NHLRC2: variants seen among roughly 807,000 people sequenced by gnomAD.
NHLRC2 encodes the protein NHL repeat containing 2.
Under a neutral mutation model 68.1 loss-of-function variants are expected in NHLRC2, and 33 were observed. The ratio of observed to expected loss-of-function variants is 0.48; its 90% CI spans 0.37 to 0.65. The LOEUF is 0.65. NHLRC2 is among the 30% of genes least tolerant of loss of function. NHLRC2 has a pLI of 0.00. For missense variants in NHLRC2, 761 were observed against 853.8 expected (o/e 0.89, Z 1.35); for synonymous variants, 311 against 309.6 (o/e 1.00, Z -0.05).
Position 113,858,695 on chromosome 10 carries a change from A to C in NHLRC2, c.331+15A>C. On this transcript the variant is annotated intron_variant, in intron 2 of 10. Transcript: ENST00000369301. Reference sequence around the variant, plus strand: ...CTCTGATAAAGGTATCTGCTCTTTAATTAGTTTCTAACAGACTGTCCTGGC... The same window carrying C: ...CTCTGATAAAGGTATCTGCTCTTTACTTAGTTTCTAACAGACTGTCCTGGC... 6.3e-7 allele frequency: 1 copy of C among 1,596,350 alleles called. No individual in the cohort carries two copies. Among genetic ancestry groups the C allele is most frequent in the Non-Finnish European group, 8.6e-7 (1 of 1,165,056 alleles).
At chr10:113,900,530 TG>T (rs1846218469) in intron 6 of NHLRC2, among the ~76,000 whole-genome samples, 1 of 152,294 alleles carries the variant, frequency 6.6e-6, no homozygotes, top group Non-Finnish European at 1.5e-5. Context: ...ATTTTAAGGA[TG>T]TATTATCTTT....
chr10:113,874,234 A>T (rs1270009581), intron 2 of NHLRC2, among the ~76,000 whole-genome samples: 1 of 152,122 alleles, frequency 6.6e-6, no homozygotes, highest in Non-Finnish European at 1.5e-5. Flanking sequence ...CCTTACACAG[A>T]TTATCTCTTT....
Position 113,913,842 on chromosome 10 carries a change from G to GTTTT in NHLRC2, c.*5307_*5310dup, listed in dbSNP as rs1204774026. 17 of 134,978 alleles carry GTTTT rather than the reference G, an allele frequency of 1.3e-4. No individual in the cohort carries two copies. The highest frequency in any genetic ancestry group is 4.2e-4 in the African/African-American group (15 of 35,424). 8.4% of individuals were successfully genotyped at this position (134,978 alleles called of 1,614,324 possible). On this transcript the variant is annotated 3_prime_UTR_variant, in exon 11 of 11. Coordinates refer to ENST00000369301, the MANE Select transcript of NHLRC2 (RefSeq NM_198514.4). ...GCATTAGGTACTTTTTGTTGTTGTTGTTTTGTTTTTTTTTTTTTTTTTTGA... is the reference window on the plus strand; with the variant it reads ...GCATTAGGTACTTTTTGTTGTTGTTGTTTTTTTTGTTTTTTTTTTTTTTTTTTGA...
intron 2 of NHLRC2, among the ~76,000 whole-genome samples, chr10:113,869,734 CAT>C (rs1304940193): frequency 1.3e-5 from 2 of 152,032 alleles, no homozygotes; most frequent in Non-Finnish European, 2.9e-5. Flanking sequence ...ATAAATATTA[CAT>C]ATATATAATG....
At chr10:113,858,863 TG>T in intron 2 of NHLRC2, 183 bp downstream of exon 2, 2 of 416,032 alleles carry the variant, frequency 4.8e-6, no homozygotes, top group Non-Finnish European at 8.5e-6. Flanking sequence ...TTAGTGATAG[TG>T]GTTTGCCTAT....
rs1022570663 is a variant in NHLRC2, at chr10:113,903,599, A to G, written c.1567A>G (p.Ser523Gly). The G allele has an allele frequency of 1.2e-6, 2 of 1,612,750 alleles. No individual in the cohort carries two copies. Among genetic ancestry groups the G allele is most frequent in the East Asian group, 4.5e-5 (2 of 44,774 alleles). Reference protein sequence around the residue: ...AGTGDTNNVTSSSFTESTFNE... With the variant: ...AGTGDTNNVTGSSFTESTFNE... The stretch of plus-strand genomic sequence containing the variant: ...AACTGGAGACACAAATAATGTTACC[A>G]GTTCCAGTTTTACAGAGTCAACTTT... Residue 523 changes from serine to glycine, a missense_variant, in exon 9 of 11, where the codon AGT becomes GGT. Transcript: ENST00000369301.
intron 2 of NHLRC2, among the ~76,000 whole-genome samples, chr10:113,865,598 T>C (rs2134693660): frequency 7.3e-6 from 1 of 136,594 alleles, no homozygotes; most frequent in African/African-American, 2.8e-5. Flanking sequence ...TAACTTCGAC[T>C]TTTTTTTTTT....
chr10:113,893,620 C>T (rs926446713), intron 5 of NHLRC2, among the ~76,000 whole-genome samples: 1 of 152,142 alleles, frequency 6.6e-6, no homozygotes, highest in African/African-American at 2.4e-5. Flanking sequence ...TGCTGCTTCT[C>T]TACTTTTTCT....
intron 5 of NHLRC2, among the ~76,000 whole-genome samples, chr10:113,890,508 TG>T (rs1846121269): frequency 6.6e-6 from 1 of 152,148 alleles, no homozygotes; most frequent in Non-Finnish European, 1.5e-5. Context: ...TGTGGTTTGA[TG>T]TTCATTATTG....
At chr10:113,874,505 G>A (rs1188801846) in intron 2 of NHLRC2, among the ~76,000 whole-genome samples, 3 of 145,504 alleles carry the variant, frequency 2.1e-5, no homozygotes, top group East Asian at 2.0e-4. Context: ...TTTAGCCTTT[G>A]ATTTTCAGCA....
At position 113,908,393 on chromosome 10, in the gene NHLRC2, G is replaced by C; in HGVS notation, c.2038G>C (p.Val680Leu). The C allele has an allele frequency of 3.7e-6, 6 of 1,614,100 alleles. No individual in the cohort carries two copies. Among genetic ancestry groups the C allele is most frequent in the Non-Finnish European group, 5.1e-6 (6 of 1,179,968 alleles). ...PDDCLSLEAI[V>L]SVSVFLYYCS... is the part of the protein sequence containing the mutation. ...TGATTGCTTATCACTTGAAGCCATT[G>C]TATCTGTCAGTGTGTTTCTTTATTA... is the stretch of plus-strand genomic sequence containing the variant. The change falls in exon 11 of 11, where the codon GTA becomes CTA. Residue 680 changes from valine (V) to leucine (L), a missense_variant. By Grantham distance (32) the Val-to-Leu change is conservative. Coordinates refer to ENST00000369301, the MANE Select transcript of NHLRC2 (RefSeq NM_198514.4).
rs962457966 is a variant in NHLRC2, at chr10:113,912,049, C to T, written c.*3513C>T. ...CATTGTTTGGAGTCCTTTGATCTAC[C>T]GGTTCTCTTAAGTACGTGATTTCGT... On this transcript the variant is annotated 3_prime_UTR_variant, in exon 11 of 11. Coordinates refer to ENST00000369301, the MANE Select transcript of NHLRC2 (RefSeq NM_198514.4). The T allele has an allele frequency of 6.6e-6, 1 of 151,946 alleles. No homozygotes were observed. Among genetic ancestry groups the T allele is most frequent in the Admixed American group, 6.6e-5 (1 of 15,252 alleles). 9.4% of individuals were successfully genotyped at this position (151,946 alleles called of 1,614,324 possible).
intron 1 of NHLRC2, 63 bp from the exon 2 acceptor site, chr10:113,858,465 A>G (rs1165595873): frequency 8.4e-7 from 1 of 1,191,556 alleles, no homozygotes; most frequent in Non-Finnish European, 1.2e-6. Context: ...ATTTTAATGG[A>G]AAGTTTTAGG....
rs1368351392 is a variant in NHLRC2 at position 113,876,848 on chromosome 10, C to T, written c.659C>T (p.Pro220Leu). The T allele has an allele frequency of 2.5e-6, 4 of 1,612,470 alleles. No individual in the cohort carries two copies. Among genetic ancestry groups the T allele is most frequent in the East Asian group, 4.5e-5 (2 of 44,852 alleles). The stretch of plus-strand genomic sequence containing the variant: ...AAACTCTATAAAGATTCTTTGCCAC[C>T]TTCACCATTGCTATTTCCTGGCAAA... The part of the protein sequence containing the change: ...GIKLYKDSLP[P>L]SPLLFPGKVT... The change falls in exon 3 of 11, where the codon CCT (proline) becomes CTT (leucine). Residue 220 changes from proline (P) to leucine (L), a missense_variant. By Grantham distance (98) the Pro-to-Leu change is moderately conservative. Transcript: ENST00000369301.
At chr10:113,905,680 A>G (rs73347518) in intron 10 of NHLRC2, among the ~76,000 whole-genome samples, 4,868 of 151,794 alleles carry the variant, frequency 0.032, 275 homozygotes, top group African/African-American at 0.11. Context: ...TTCTCACTCA[A>G]TTTTCCATTT....
chr10:113,876,905 T>G lies in NHLRC2; in HGVS notation c.716T>G (p.Val239Gly). The G allele has an allele frequency of 6.2e-7, 1 of 1,612,796 alleles. No individual in the cohort carries two copies. The highest frequency in any genetic ancestry group is 8.5e-7 in the Non-Finnish European group (1 of 1,179,544). Residue 239 changes from valine to glycine, a missense_variant, in exon 3 of 11, where the codon GTA (valine) becomes GGA (glycine). By Grantham distance (109) the Val-to-Gly change is moderately radical. Coordinates refer to ENST00000369301, the MANE Select transcript of NHLRC2 (RefSeq NM_198514.4). ...GTAGACCAAGTTACTGATAGATTGG[T>G]AATAGCAGACACTGGACATCATAGA... is the stretch of plus-strand genomic sequence containing the variant. ...VTVDQVTDRL[V>G]IADTGHHRIL...
chr10:113,917,122 G>A lies in NHLRC2; in HGVS notation c.*8586G>A, dbSNP rs1016386641. On this transcript the variant is annotated 3_prime_UTR_variant, in exon 11 of 11. Transcript: ENST00000369301. ...TGAGAATGTGTTTATACTGTATATG[G>A]AAACCTAATGCCTCTTTTCTAAAGC... 5.3e-5 allele frequency: 8 copies of A among 152,146 alleles called. No homozygotes were observed. Among genetic ancestry groups the A allele is most frequent in the Non-Finnish European group, 1.0e-4 (7 of 68,010 alleles). The allele number at this position is 152,146 out of a possible 1,614,324, so 9.4% of individuals were successfully genotyped here.
At chr10:113,870,337 C>T (rs1845910393) in intron 2 of NHLRC2, among the ~76,000 whole-genome samples, 1 of 152,088 alleles carries the variant, frequency 6.6e-6, no homozygotes, top group African/African-American at 2.4e-5. Context: ...CTTGCCTTCC[C>T]ATTTCTGTCC....
rs1185352150 is a variant in NHLRC2, at chr10:113,909,011, T to C, written c.*475T>C. 6.4e-6 allele frequency: 1 copy of C among 156,036 alleles called. No homozygotes were observed. The highest frequency in any genetic ancestry group is 2.5e-5 in the African/African-American group (1 of 40,678). 9.7% of individuals were successfully genotyped at this position (156,036 alleles called of 1,614,324 possible). ...AACACCAAGTATTCAAGGCATAAAG[T>C]CTGTTGTAAGCCAAAAAAAAGTCTT... On this transcript the variant is annotated 3_prime_UTR_variant, in exon 11 of 11. Coordinates refer to ENST00000369301, the MANE Select transcript of NHLRC2 (RefSeq NM_198514.4).
Sources: gnomAD v4.1 joint callset for allele counts (sites outside exome capture counted in the v4.1 genomes callset) on GRCh38, gnomAD v4.1.1 for gene constraint, MANE v1.5 for transcripts, NCBI Gene and HGNC (gene_info 2026-07-23, HGNC 2026-07-21) for gene names.